The following RAP1GAP2 variants were observed in gnomAD, a reference collection of about 807,000 sequenced individuals.
RAP1GAP2 encodes the protein rap1 GTPase-activating protein 2.
A neutral mutation model predicts 95.0 loss-of-function variants in RAP1GAP2; 27 were observed. The observed-to-expected ratio is 0.28, with a 90% CI of 0.21 to 0.39. The LOEUF is 0.39. Among genes scored for constraint, RAP1GAP2 ranks in the 10% least tolerant of loss-of-function variants. The pLI is 1.00. For synonymous variants in RAP1GAP2, 373 were observed against 380.9 expected, an observed-to-expected ratio of 0.98 and a Z score of 0.24; for missense variants, 771 against 970.0, an observed-to-expected ratio of 0.79 and a Z score of 2.72.
At chr17:2,818,417 C>T (rs578175695) in intron 2 of RAP1GAP2, among the ~76,000 whole-genome samples, 6 of 150,678 alleles carry the variant, frequency 4.0e-5, no homozygotes, top group East Asian at 4.0e-4. Flanking sequence ...CTCCGCCTCC[C>T]GGTTCAAGTA....
upstream of RAP1GAP2, among the ~76,000 whole-genome samples, chr17:2,795,837 C>T (rs1264939947): frequency 6.6e-6 from 1 of 152,094 alleles, no homozygotes; most frequent in Non-Finnish European, 1.5e-5. Flanking sequence ...CCGCGCTGTG[C>T]TCAGGTGTGT....
chr17:3,008,393 C>A lies in RAP1GAP2; in HGVS notation c.1494+248C>A, dbSNP rs2046402441. 6.6e-6 allele frequency among the ~76,000 whole-genome samples: 1 copy of A among 152,176 alleles called. No individual in the cohort carries two copies. Reference sequence around the variant, plus strand: ...CTATCTGGGTCATCTCCTCCGGGCCCAGAAGTCTGTTAAGCAGGGACAGGT... The same window carrying A: ...CTATCTGGGTCATCTCCTCCGGGCCAAGAAGTCTGTTAAGCAGGGACAGGT... On this transcript the variant is annotated intron_variant, in intron 17 of 24. Coordinates refer to ENST00000254695, the MANE Select transcript of RAP1GAP2 (RefSeq NM_015085.5). This position sits in a 1 kb window ranked among gnomAD's most constrained non-coding sequence, Gnocchi z 4.2.
rs547639041 is a variant in RAP1GAP2 at position 3,005,007 on chromosome 17, CAGTT to C, written c.1201-361_1201-358del. On this transcript the variant is annotated intron_variant, in intron 14 of 24. Coordinates refer to ENST00000254695, the MANE Select transcript of RAP1GAP2 (RefSeq NM_015085.5). The surrounding 1 kb of genome is among the most constrained non-coding windows in gnomAD (Gnocchi z 5.2). ...GCATCTGTTTCCTCATCAGGGAGAA[CAGTT>C]CTCCCTGTGCCTTCTCAGTAGGATT... Among the ~76,000 whole-genome samples, 392 of 152,170 alleles carry C rather than the reference CAGTT, an allele frequency of 2.6e-3. 2 individuals are homozygous for C. Among genetic ancestry groups the C allele is most frequent in the African/African-American group, 8.9e-3 (371 of 41,522 alleles).
intron 3 of RAP1GAP2, among the ~76,000 whole-genome samples, chr17:2,952,971 AT>A (rs2043970201): frequency 6.6e-6 from 1 of 151,104 alleles, no homozygotes; most frequent in Non-Finnish European, 1.5e-5. Context: ...CACCCAGCTA[AT>A]TTTTGTTATT....
intron 2 of RAP1GAP2, chr17:2,854,148 A>G (rs2072023141): frequency 8.1e-6 from 8 of 985,296 alleles, no homozygotes; most frequent in African/African-American, 1.7e-5. Flanking sequence ...CTCCTGCTGC[A>G]TGCCAGTTTT....
chr17:2,988,376 A>G (rs984836916), intron 11 of RAP1GAP2, among the ~76,000 whole-genome samples: 9 of 152,164 alleles, frequency 5.9e-5, no homozygotes, highest in African/African-American at 1.9e-4. Context: ...GTGGACATCA[A>G]TCTCCCAGCT....
chr17:2,988,529 T>C (rs2045635423), intron 11 of RAP1GAP2, among the ~76,000 whole-genome samples: 1 of 152,252 alleles, frequency 6.6e-6, no homozygotes, highest in Non-Finnish European at 1.5e-5. Flanking sequence ...TAATCCAAGT[T>C]CTTGGGTGTA....
At chr17:2,919,775 T>C (rs1054682491) in intron 3 of RAP1GAP2, among the ~76,000 whole-genome samples, 3 of 152,212 alleles carry the variant, frequency 2.0e-5, no homozygotes, top group Admixed American at 1.3e-4. Flanking sequence ...CGATCTCGGC[T>C]CACTGCAACC....
Position 2,927,435 on chromosome 17 carries a change from G to A in RAP1GAP2, c.165+22067G>A, listed in dbSNP as rs374935126. 4.6e-5 allele frequency among the ~76,000 whole-genome samples: 7 copies of A among 151,748 alleles called. 1 individual carries two copies. The East Asian group carries it at 9.7e-4, about 21-fold the overall frequency. On this transcript the variant is annotated intron_variant, in intron 3 of 24. Transcript: ENST00000254695. Reference sequence around the variant, plus strand: ...CCCAAAGTGCTGGGATTACAGGCGTGAGCCACCGCGCCCGGCTGAGCAAGT... The same window carrying A: ...CCCAAAGTGCTGGGATTACAGGCGTAAGCCACCGCGCCCGGCTGAGCAAGT...
chr17:2,895,475 AC>A (rs2041787966), intron 2 of RAP1GAP2, among the ~76,000 whole-genome samples: 1 of 152,174 alleles, frequency 6.6e-6, no homozygotes. Context: ...AGGGGTTAAT[AC>A]TATTTCCTTC....
In RAP1GAP2 at chr17:2,799,415, C is replaced by T. The variant is rs377196808; in HGVS notation, c.45-1100C>T. ...GAGTTTACTCAGAGTGAAAGGACCC[C>T]GTCCCCTAGCTCCAGGCCTCAGGGT... On this transcript the variant is annotated intron_variant, in intron 1 of 24. Transcript: ENST00000254695. Among the ~76,000 whole-genome samples the T allele has an allele frequency of 3.2e-4, 49 of 152,282 alleles. No homozygotes were observed. In the East Asian group the frequency reaches 4.8e-3, roughly 15 times the overall value.
intron 14 of RAP1GAP2, among the ~76,000 whole-genome samples, chr17:3,001,807 TTC>T (rs1400203456): frequency 2.6e-5 from 4 of 152,356 alleles, no homozygotes; most frequent in Non-Finnish European, 2.9e-5. Flanking sequence ...TAGCATTTGC[TTC>T]TCTTTCCCAA....
chr17:2,858,650 G>A (rs1268376485), intron 2 of RAP1GAP2, among the ~76,000 whole-genome samples: 1 of 152,124 alleles, frequency 6.6e-6, no homozygotes, highest in African/African-American at 2.4e-5. Context: ...GCTCACGCCT[G>A]TAATCTCAGC....
At chr17:2,758,393 C>A (rs1241663332) in intron 1 of RAP1GAP2, among the ~76,000 whole-genome samples, 1 of 151,764 alleles carries the variant, frequency 6.6e-6, no homozygotes, top group Non-Finnish European at 1.5e-5. Context: ...CCAGGCTGGT[C>A]TTGATCTCTG....
At chr17:2,884,347 C>T (rs2073407648) in intron 2 of RAP1GAP2, among the ~76,000 whole-genome samples, 1 of 150,058 alleles carries the variant, frequency 6.7e-6, no homozygotes, top group Non-Finnish European at 1.5e-5. Context: ...TCGGACACAG[C>T]TCTTGGAGTC....
chr17:2,960,310 T>C (rs2044266805), intron 4 of RAP1GAP2, among the ~76,000 whole-genome samples: 1 of 152,006 alleles, frequency 6.6e-6, no homozygotes, highest in Non-Finnish European at 1.5e-5. Flanking sequence ...GGATGACTAA[T>C]GCAGGCCAAA....
At chr17:2,895,830 G>A (rs928623943) in intron 2 of RAP1GAP2, among the ~76,000 whole-genome samples, 2 of 151,966 alleles carry the variant, frequency 1.3e-5, no homozygotes, top group Non-Finnish European at 2.9e-5. Flanking sequence ...TGCCTGCCTC[G>A]GCCTCCCAAA....
chr17:2,820,790 C>T (rs767190378), intron 2 of RAP1GAP2, among the ~76,000 whole-genome samples: 9 of 151,442 alleles, frequency 5.9e-5, no homozygotes, highest in East Asian at 3.9e-4. Flanking sequence ...GGCATGATCT[C>T]GGCTCACTAA....
chr17:2,889,361 G>T (rs572327778), intron 2 of RAP1GAP2, among the ~76,000 whole-genome samples: 35 of 152,288 alleles, frequency 2.3e-4, no homozygotes, highest in African/African-American at 7.9e-4. Flanking sequence ...TCAGTGCCAG[G>T]CCCTGTGCTG....
Sources: gnomAD v4.1 joint callset for allele counts (sites outside exome capture counted in the v4.1 genomes callset) on GRCh38, gnomAD v4.1.1 for gene constraint, Gnocchi (gnomAD v3.1) non-coding constraint, MANE v1.5 for transcripts, NCBI Gene and HGNC (gene_info 2026-07-23, HGNC 2026-07-21) for gene names.